The following KLRG1 variants were observed in gnomAD, a reference collection of about 807,000 sequenced individuals.
KLRG1 encodes killer cell lectin like receptor G1.
Under a neutral mutation model 21.8 loss-of-function variants are expected in KLRG1, and 16 were observed. The ratio of observed to expected loss-of-function variants is 0.73; its 90% CI spans 0.50 to 1.11. The LOEUF is 1.11. Among genes scored for constraint, KLRG1 ranks in the 50% most tolerant of loss-of-function variants. The pLI is 0.00. For synonymous variants in KLRG1, 69 were observed against 75.9 expected, an observed-to-expected ratio of 0.91 and a Z score of 0.47; for missense variants, 173 against 218.3, an observed-to-expected ratio of 0.79 and a Z score of 1.31.
At chr12:8,954,209 G>A (rs764689332) in intron 1 of KLRG1, among the ~76,000 whole-genome samples, 57 of 152,116 alleles carry the variant, frequency 3.7e-4, no homozygotes, top group African/African-American at 1.3e-3. Context: ...ATATGATATC[G>A]GTTGTATGTG....
chr12:9,140,424 C>T, the KLRG1 span, among the ~76,000 whole-genome samples: 3 of 152,142 alleles, frequency 2.0e-5, no homozygotes, highest in Admixed American at 2.0e-4. Flanking sequence ...AAGCAACATT[C>T]CTTACCTAAT....
chr12:8,958,427 G>A (rs1946331330), intron 1 of KLRG1, among the ~76,000 whole-genome samples: 1 of 152,142 alleles, frequency 6.6e-6, no homozygotes, highest in Admixed American at 6.5e-5. Flanking sequence ...ACACACTCCT[G>A]ATTCTTCTAG....
At chr12:9,182,950 T>C in the KLRG1 span, among the ~76,000 whole-genome samples, 1 of 152,222 alleles carries the variant, frequency 6.6e-6, no homozygotes, top group African/African-American at 2.4e-5. Context: ...CCCAGCTATA[T>C]GGCTTTAAAT....
At chr12:9,109,426 A>G in the KLRG1 span, 1 of 1,592,794 alleles carries the variant, frequency 6.3e-7, no homozygotes, top group Admixed American at 1.7e-5. Context: ...GTGATAAAGA[A>G]GGTTGGTGAT....
the KLRG1 span, among the ~76,000 whole-genome samples, chr12:9,080,951 T>G: frequency 0.16 from 23,777 of 152,084 alleles, 1,986 homozygotes; most frequent in African/African-American, 0.2. Flanking sequence ...ATAAAATAAC[T>G]GCTACTGATG....
chr12:8,974,242 A>G (rs1370685921), intron 1 of KLRG1, among the ~76,000 whole-genome samples: 1 of 150,756 alleles, frequency 6.6e-6, no homozygotes, highest in Admixed American at 6.6e-5. Flanking sequence ...ATCTCGGCTC[A>G]CTGCAAGCTC....
At chr12:9,162,475 A>G in the KLRG1 span, 2 of 721,042 alleles carry the variant, frequency 2.8e-6, no homozygotes, top group Non-Finnish European at 2.4e-6. Context: ...AATATTTAGT[A>G]TTATGCTGAC....
At position 9,009,309 on chromosome 12, in the gene KLRG1, G is replaced by A; in HGVS notation, c.459-117G>A. 3.1e-6 allele frequency: 4 copies of A among 1,292,834 alleles called. No individual in the cohort carries two copies. The African/African-American group carries it at 4.6e-5, about 15-fold the overall frequency. 80.1% of individuals were successfully genotyped at this position (1,292,834 alleles called of 1,614,324 possible). A position where few individuals can be genotyped will look rare whatever the true frequency, so the allele number is the denominator to read the frequency against. On this transcript the variant is annotated intron_variant, in intron 4 of 4. Transcript: ENST00000356986. Reference sequence around the variant, plus strand: ...CAATTTTAATTCTTCTGCTGTTTGGGGGAATTAGGGGCCTGAATAGGGAGA... The same window carrying A: ...CAATTTTAATTCTTCTGCTGTTTGGAGGAATTAGGGGCCTGAATAGGGAGA...
chr12:9,202,207 G>A, the KLRG1 span: 1 of 996,262 alleles, frequency 1.0e-6, no homozygotes. Flanking sequence ...CTGGAGCCAA[G>A]TTCAAAAACA....
the KLRG1 span, chr12:9,169,652 A>C: frequency 7.1e-7 from 1 of 1,404,610 alleles, no homozygotes; most frequent in East Asian, 2.5e-5. Flanking sequence ...AAATAGAATG[A>C]ACTGAGAGAA....
chr12:8,992,227 GTTCTTGCCTTGTGGCAATAGCTTTGGGGC>G lies in KLRG1; in HGVS notation c.109_137del (p.Cys37AspfsTer28). The G allele has an allele frequency of 6.2e-7, 1 of 1,613,632 alleles. No homozygotes were observed. The highest frequency in any genetic ancestry group is 8.5e-7 in the Non-Finnish European group (1 of 1,179,780). ...GCAGCTTCCTCTTCCAGGCCTTCTT[GTTCTTGCCTTGTGGCAATAGCTTTGGGGC>G]TTCTGACTGCAGTTCTTCTGAGTGT... On this transcript the variant is annotated frameshift_variant, in exon 2 of 5. Transcript: ENST00000356986. LOFTEE classifies it high-confidence loss of function.
chr12:9,111,283 T>C, the KLRG1 span, among the ~76,000 whole-genome samples: 1 of 152,166 alleles, frequency 6.6e-6, no homozygotes, highest in African/African-American at 2.4e-5. Context: ...GCTTATGTTA[T>C]AATAGAAATA....
At chr12:9,180,719 C>T in the KLRG1 span, among the ~76,000 whole-genome samples, 2 of 152,330 alleles carry the variant, frequency 1.3e-5, no homozygotes, top group Middle Eastern at 3.4e-3. Context: ...CTAGGCATCA[C>T]CATTCAGGAC....
the KLRG1 span, among the ~76,000 whole-genome samples, chr12:9,088,722 G>A: frequency 2.0e-5 from 3 of 152,040 alleles, no homozygotes; most frequent in African/African-American, 2.4e-5. Flanking sequence ...CATTAGGTAC[G>A]GGATAGGCAT....
At chr12:8,969,098 T>C (rs1946526088) in intron 1 of KLRG1, among the ~76,000 whole-genome samples, 1 of 152,314 alleles carries the variant, frequency 6.6e-6, no homozygotes, top group African/African-American at 2.4e-5. Context: ...AGGTAGGGGC[T>C]AAGATGTGGC....
At chr12:9,201,298 C>T in the KLRG1 span, 8 of 1,508,934 alleles carry the variant, frequency 5.3e-6, no homozygotes, top group Non-Finnish European at 7.3e-6. Flanking sequence ...GCACTAATTT[C>T]CTTATAAGAT....
At chr12:9,196,924 T>G in the KLRG1 span, 2 of 1,076,652 alleles carry the variant, frequency 1.9e-6, no homozygotes, top group African/African-American at 3.2e-5. Context: ...GCGACAAGCT[T>G]GTCCTGATGC....
At chr12:9,149,668 G>C in the KLRG1 span, 3 of 1,520,218 alleles carry the variant, frequency 2.0e-6, no homozygotes, top group Admixed American at 3.6e-5. Context: ...TGCTAAATCT[G>C]TCTAGTCACT....
the KLRG1 span, chr12:9,135,295 A>T: frequency 3.6e-6 from 1 of 277,140 alleles, no homozygotes; most frequent in Middle Eastern, 4.6e-4. Context: ...CATGAAATGG[A>T]TCCCCTGGAC....
Sources: gnomAD v4.1 joint callset for allele counts (sites outside exome capture counted in the v4.1 genomes callset) on GRCh38, gnomAD v4.1.1 for gene constraint, MANE v1.5 for transcripts, NCBI Gene and HGNC (gene_info 2026-07-23, HGNC 2026-07-21) for gene names.